TM9SF4: variants seen among roughly 807,000 people sequenced by gnomAD.
The protein encoded by TM9SF4 is transmembrane 9 superfamily member 4.
In TM9SF4, 26 loss-of-function variants were observed where a neutral mutation model predicts 90.4. The observed-to-expected ratio is 0.29, with a 90% CI of 0.21 to 0.40. The LOEUF is 0.40. TM9SF4 is among the 10% of genes least tolerant of loss of function. The pLI is 1.00. For missense variants in TM9SF4, 549 were observed against 834.8 expected (o/e 0.66, Z 4.22); for synonymous variants, 293 against 315.4 (o/e 0.93, Z 0.75).
chr20:32,140,901 G>A lies in TM9SF4; in HGVS notation c.230-596G>A, dbSNP rs1007748223. On this transcript the variant is annotated intron_variant, in intron 3 of 17. Transcript: ENST00000398022. ...GCAGGGAACTCTAGGAGAAGGAAGC[G>A]ACTGAGGCCCAGAGGCATAGAAGGA... is the stretch of plus-strand genomic sequence containing the variant. Among the ~76,000 whole-genome samples, 14 of 152,192 alleles carry A rather than the reference G, an allele frequency of 9.2e-5. 1 individual carries two copies. Among genetic ancestry groups the A allele is most frequent in the African/African-American group, 3.4e-4 (14 of 41,528 alleles).
intron 8 of TM9SF4, 91 bp from the exon 9 acceptor site, chr20:32,146,694 C>A: frequency 7.7e-7 from 1 of 1,301,978 alleles, no homozygotes; most frequent in Non-Finnish European, 1.1e-6. Context: ...TGCCAGCTGT[C>A]GCACAGTAAA....
At chr20:32,155,306 C>T (rs1555885844) in intron 13 of TM9SF4, 120 bp downstream of exon 13, 8 of 883,844 alleles carry the variant, frequency 9.1e-6, no homozygotes, top group South Asian at 4.3e-5. Context: ...CCCAGAGTTA[C>T]GTTCCCAGCC....
chr20:32,139,147 C>T (rs2122395033), intron 3 of TM9SF4, among the ~76,000 whole-genome samples: 1 of 152,338 alleles, frequency 6.6e-6, no homozygotes, highest in South Asian at 2.1e-4. Flanking sequence ...CTTGCCAGGG[C>T]CGCTACTTTG....
At chr20:32,121,822 G>A (rs1238914931) in intron 1 of TM9SF4, among the ~76,000 whole-genome samples, 2 of 149,900 alleles carry the variant, frequency 1.3e-5, no homozygotes, top group Non-Finnish European at 3.0e-5. Context: ...GCGGCTGGCC[G>A]GGCGGGGGGC....
chr20:32,128,164 T>C (rs1250540724), intron 1 of TM9SF4, among the ~76,000 whole-genome samples: 1 of 152,218 alleles, frequency 6.6e-6, no homozygotes, highest in Non-Finnish European at 1.5e-5. Context: ...TGGCCTTATT[T>C]TGGGGCCCCA....
At chr20:32,155,708 G>A (rs2046909714) in intron 13 of TM9SF4, among the ~76,000 whole-genome samples, 1 of 152,198 alleles carries the variant, frequency 6.6e-6, no homozygotes, top group African/African-American at 2.4e-5. Context: ...CTCAGTTGTG[G>A]GGAGGGGGAG....
At chr20:32,150,461 G>A (rs908416706) in intron 10 of TM9SF4, among the ~76,000 whole-genome samples, 161 bp from the exon 11 acceptor site, 1 of 152,224 alleles carries the variant, frequency 6.6e-6, no homozygotes, top group African/African-American at 2.4e-5. Context: ...GTAGAGGGTA[G>A]GGGACTATGC....
At chr20:32,111,399 A>AT (rs1021683493) in intron 1 of TM9SF4, among the ~76,000 whole-genome samples, 1 of 152,192 alleles carries the variant, frequency 6.6e-6, no homozygotes, top group Non-Finnish European at 1.5e-5. Flanking sequence ...TTGTTCAGAG[A>AT]TTTTTAAGAG....
intron 3 of TM9SF4, among the ~76,000 whole-genome samples, chr20:32,137,307 A>AT (rs1323155165): frequency 2.0e-5 from 3 of 152,094 alleles, no homozygotes; most frequent in African/African-American, 7.2e-5. Context: ...CAGGGTCCTG[A>AT]TATCAGGCCC....
intron 1 of TM9SF4, among the ~76,000 whole-genome samples, chr20:32,118,631 ATT>A (rs2046261153): frequency 7.4e-6 from 1 of 135,286 alleles, no homozygotes; most frequent in African/African-American, 3.3e-5. Context: ...TTATTTATTT[ATT>A]TATTTATTTA....
rs766963454 is a variant in TM9SF4, at chr20:32,165,312, C to T, written c.1797C>T (p.Phe599=). 6.2e-7 allele frequency: 1 copy of T among 1,614,202 alleles called. No individual in the cohort carries two copies. The highest frequency in any genetic ancestry group is 1.1e-5 in the South Asian group (1 of 91,078). ...YFVNKLDIVE[F]IPSLLYFGYT... is the part of the protein sequence containing the mutation. ...GGCCGCAGCTGGACATCGTGGAGTT[C>T]ATCCCCTCTCTCCTCTACTTTGGCT... Residue 599 remains phenylalanine (F), a synonymous_variant, in exon 18 of 18, where the codon TTC becomes TTT. Coordinates refer to ENST00000398022, the MANE Select transcript of TM9SF4 (RefSeq NM_014742.4).
intron 15 of TM9SF4, chr20:32,159,110 G>A (rs780131377): frequency 3.5e-4 from 54 of 152,414 alleles, no homozygotes; most frequent in East Asian, 9.6e-4. Context: ...TAATAGCATC[G>A]TTGCACCTGG....
At chr20:32,109,963 G>A (rs2046116106) in intron 1 of TM9SF4, 2 of 1,412,468 alleles carry the variant, frequency 1.4e-6, no homozygotes, top group South Asian at 1.6e-5. Context: ...CCGAGTTTTG[G>A]GGGAGGCGCC....
chr20:32,151,676 T>C (rs1342938168), intron 12 of TM9SF4, among the ~76,000 whole-genome samples: 1 of 152,130 alleles, frequency 6.6e-6, no homozygotes, highest in Non-Finnish European at 1.5e-5. Flanking sequence ...TTTTTTGTTT[T>C]TTTATTGTTG....
intron 3 of TM9SF4, among the ~76,000 whole-genome samples, chr20:32,138,317 T>A (rs2046622333): frequency 6.6e-6 from 1 of 152,164 alleles, no homozygotes; most frequent in Non-Finnish European, 1.5e-5. Context: ...GGCTTACTGC[T>A]CATTGTTAAA....
At chr20:32,139,171 T>C (rs2143764) in intron 3 of TM9SF4, among the ~76,000 whole-genome samples, 19,218 of 152,254 alleles carry the variant, frequency 0.13, 2,813 homozygotes, top group African/African-American at 0.35. Flanking sequence ...AGCAGAGTGC[T>C]GGCGCCTACA....
chr20:32,154,252 A>C (rs2046884864), intron 12 of TM9SF4, among the ~76,000 whole-genome samples: 2 of 151,482 alleles, frequency 1.3e-5, no homozygotes, highest in African/African-American at 2.4e-5. Context: ...GGGCTCAAGC[A>C]ATCCATCTGT....
chr20:32,159,013 T>C (rs1219466877), intron 15 of TM9SF4: 2 of 152,886 alleles, frequency 1.3e-5, no homozygotes, highest in African/African-American at 4.9e-5. Flanking sequence ...ATGAGATATG[T>C]GGTGTGTGGG....
Position 32,109,752 on chromosome 20 carries a change from G to A in TM9SF4, c.12G>A (p.Ala4=), listed in dbSNP as rs1391894281. MAT[A]MDWLPWSLLL... ...CACGTGGATCCAAGATGGCGACGGC[G>A]ATGGTGAGTGAAGGAGACTCCGGGA... is the stretch of plus-strand genomic sequence containing the variant. The change falls in exon 1 of 18, where the codon GCG becomes GCA. Residue 4 remains alanine, a synonymous_variant. Coordinates refer to ENST00000398022, the MANE Select transcript of TM9SF4 (RefSeq NM_014742.4). 2 of 1,551,644 alleles carry A rather than the reference G, an allele frequency of 1.3e-6. No homozygotes were observed. Among genetic ancestry groups the A allele is most frequent in the Non-Finnish European group, 8.7e-7 (1 of 1,146,992 alleles).
Sources: gnomAD v4.1 joint callset for allele counts (sites outside exome capture counted in the v4.1 genomes callset) on GRCh38, gnomAD v4.1.1 for gene constraint, MANE v1.5 for transcripts, NCBI Gene and HGNC (gene_info 2026-07-23, HGNC 2026-07-21) for gene names.